Variants in SPTLC2 observed in about 807,000 individuals in gnomAD.
SPTLC2 encodes the protein serine palmitoyltransferase long chain base subunit 2.
In SPTLC2, 21 loss-of-function variants were observed where a neutral mutation model predicts 62.0. The observed-to-expected ratio is 0.34, with a 90% confidence interval of 0.24 to 0.49. The LOEUF (loss-of-function observed/expected upper bound fraction) is 0.49. SPTLC2 is among the 20% of genes least tolerant of loss of function. The pLI, the probability that SPTLC2 is intolerant of heterozygous loss-of-function variation, is 0.99. For missense variants in SPTLC2, 511 were observed against 713.0 expected (o/e 0.72, Z 3.23); for synonymous variants, 261 against 261.8 (o/e 1.00, Z 0.03).
At chr14:77,614,206 G>A (rs972815669) in intron 1 of SPTLC2, among the ~76,000 whole-genome samples, 8 of 152,204 alleles carry the variant, frequency 5.3e-5, no homozygotes, top group African/African-American at 1.7e-4. Context: ...GGCAAGCTCT[G>A]AAGAAATATC....
intron 2 of SPTLC2, among the ~76,000 whole-genome samples, chr14:77,590,009 T>G (rs2079807285): frequency 2.0e-5 from 3 of 148,666 alleles, no homozygotes; most frequent in Admixed American, 2.0e-4. Context: ...AAGGTTTCAC[T>G]CTGTCACCCA....
intron 4 of SPTLC2, among the ~76,000 whole-genome samples, chr14:77,573,023 A>G (rs2079692573): frequency 6.6e-6 from 1 of 152,186 alleles, no homozygotes; most frequent in Non-Finnish European, 1.5e-5. Flanking sequence ...TAGCACTTTT[A>G]ATTTTCTTCG....
chr14:77,579,766 A>G (rs956227861), intron 2 of SPTLC2, among the ~76,000 whole-genome samples: 2 of 152,172 alleles, frequency 1.3e-5, no homozygotes, highest in Non-Finnish European at 2.9e-5. Flanking sequence ...ATGTATCAGG[A>G]AAACATCTGG....
rs2079557830 is a variant in SPTLC2, at chr14:77,551,958, T to C, written c.1303+138A>G. The C allele has an allele frequency of 5.4e-6, 7 of 1,295,108 alleles. No individual in the cohort carries two copies. The African/African-American group carries it at 5.9e-5, about 11-fold the overall frequency. 80.2% of individuals were successfully genotyped at this position (1,295,108 alleles called of 1,614,324 possible). On this transcript the variant is annotated intron_variant, in intron 9 of 11. Transcript: ENST00000216484. Reference sequence around the variant, plus strand: ...ATATGTATCAAACACACTAAAAAAGTGTCCATGGAAACCACACACCAGCCA... The same window carrying C: ...ATATGTATCAAACACACTAAAAAAGCGTCCATGGAAACCACACACCAGCCA...
intron 2 of SPTLC2, among the ~76,000 whole-genome samples, chr14:77,591,715 TATGTATGTATGTATG>T (rs749875558): frequency 3.7e-4 from 54 of 144,466 alleles, no homozygotes; most frequent in Non-Finnish European, 6.7e-4. Flanking sequence ...TGTATGTATG[TATGTATGTATGTATG>T]TATTTATTTT....
At chr14:77,597,454 G>C in intron 1 of SPTLC2, 74 bp from the exon 2 acceptor site, 1 of 1,388,356 alleles carries the variant, frequency 7.2e-7, no homozygotes, top group Non-Finnish European at 1.0e-6. Flanking sequence ...TAGGTCCTTA[G>C]AGATTTGCTG....
At position 77,552,237 on chromosome 14, in the gene SPTLC2, G is replaced by C. The variant is rs753919915; in HGVS notation, c.1177-15C>G. 2 of 1,613,912 alleles carry C rather than the reference G, an allele frequency of 1.2e-6. No homozygotes were observed. The highest frequency in any genetic ancestry group is 2.2e-5 in the East Asian group (1 of 44,878). Reference sequence around the variant, plus strand: ...TCTATCAGCTCCTGGGGAGTTCACAGAGGCAGATAAGTAGAGACAATTCTT... The same window carrying C: ...TCTATCAGCTCCTGGGGAGTTCACACAGGCAGATAAGTAGAGACAATTCTT... On this transcript the variant is annotated splice_polypyrimidine_tract_variant and intron_variant, in intron 8 of 11. Transcript: ENST00000216484.
intron 1 of SPTLC2, among the ~76,000 whole-genome samples, chr14:77,616,148 C>T (rs1428125785): frequency 6.6e-6 from 1 of 152,198 alleles, no homozygotes. Flanking sequence ...CATCGCTTCC[C>T]CTGGGGACAG....
In SPTLC2 at chr14:77,534,421, G is replaced by A. The variant is rs1232375284; in HGVS notation, c.1304-12840C>T. On this transcript the variant is annotated intron_variant, in intron 9 of 11. Coordinates refer to ENST00000216484, the MANE Select transcript of SPTLC2 (RefSeq NM_004863.4). The stretch of plus-strand genomic sequence containing the variant: ...GAAACTGTATACATACAGCGGTTGT[G>A]GATATGTTTCAGGATTTCTGAAAGA... Among the ~76,000 whole-genome samples the A allele has an allele frequency of 2.0e-5, 3 of 152,110 alleles. No homozygotes were observed. In the East Asian group the frequency reaches 5.8e-4, roughly 29 times the overall value.
intron 2 of SPTLC2, among the ~76,000 whole-genome samples, chr14:77,595,675 G>A (rs906074372): frequency 2.6e-5 from 4 of 152,192 alleles, no homozygotes; most frequent in Middle Eastern, 3.4e-3. Context: ...CAATGTTTTC[G>A]TGATATACTC....
chr14:77,533,062 C>T lies in SPTLC2; in HGVS notation c.1304-11481G>A, dbSNP rs59807958. ...CCTGTAATCCCAGCACTTTGGGAGG[C>T]CAAGGTGGGCAGATCACCTGCGGTT... On this transcript the variant is annotated intron_variant, in intron 9 of 11. Transcript: ENST00000216484. 7.5e-3 allele frequency among the ~76,000 whole-genome samples: 1,135 copies of T among 152,130 alleles called. 7 individuals carry two copies. The highest frequency in any genetic ancestry group is 0.026 in the African/African-American group (1,081 of 41,538).
chr14:77,562,860 T>C (rs1239095440), intron 5 of SPTLC2, among the ~76,000 whole-genome samples: 1 of 152,224 alleles, frequency 6.6e-6, no homozygotes, highest in African/African-American at 2.4e-5. Context: ...TCTGTTTATC[T>C]GTGGGAAATG....
chr14:77,558,302 T>TC (rs554394400), intron 6 of SPTLC2, among the ~76,000 whole-genome samples: 1,442 of 140,794 alleles, frequency 0.01, 6 homozygotes, highest in Middle Eastern at 0.039. Context: ...TGCCTCGGCC[T>TC]CCCAAAGTGC....
At chr14:77,514,596 C>T (rs977487263) in intron 11 of SPTLC2, among the ~76,000 whole-genome samples, 8 of 152,198 alleles carry the variant, frequency 5.3e-5, no homozygotes, top group Non-Finnish European at 1.2e-4. Context: ...TGCCGCTCCC[C>T]TGAGCCAATA....
chr14:77,525,819 C>A (rs910810853), intron 9 of SPTLC2, among the ~76,000 whole-genome samples: 4 of 152,090 alleles, frequency 2.6e-5, no homozygotes, highest in Admixed American at 2.6e-4. Context: ...GAGGCTGAGG[C>A]GAGAGAATGG....
chr14:77,519,827 T>C (rs535757081), intron 10 of SPTLC2, among the ~76,000 whole-genome samples: 8 of 152,326 alleles, frequency 5.3e-5, no homozygotes, highest in Admixed American at 2.0e-4. Flanking sequence ...GTGCCCTGTA[T>C]CTTCAGCACA....
intron 2 of SPTLC2, among the ~76,000 whole-genome samples, chr14:77,583,154 C>G (rs920431711): frequency 6.6e-6 from 1 of 151,252 alleles, no homozygotes; most frequent in South Asian, 2.1e-4. Context: ...GAGCCAAGAT[C>G]GGACCACTGC....
intron 10 of SPTLC2, 125 bp downstream of exon 10, chr14:77,521,321 T>C (rs2079383804): frequency 8.5e-7 from 1 of 1,172,878 alleles, no homozygotes; most frequent in Non-Finnish European, 1.3e-6. Context: ...CTATGGCATA[T>C]GTACCAAATG....
intron 2 of SPTLC2, among the ~76,000 whole-genome samples, chr14:77,596,341 A>C (rs2037932): frequency 0.33 from 49,370 of 148,022 alleles, 7,988 homozygotes; most frequent in Admixed American, 0.45. Flanking sequence ...TTGTCTCAAA[A>C]AAAAAAAAAA....
Sources: allele counts gnomAD v4.1 joint callset (sites outside exome capture counted in the v4.1 genomes callset), GRCh38; gene constraint gnomAD v4.1.1; transcripts MANE v1.5; gene names NCBI Gene and HGNC (gene_info 2026-07-23, HGNC 2026-07-21).